Variants in ZNF469 observed in about 807,000 individuals in gnomAD.
ZNF469 encodes zinc finger protein 469.
ZNF469 carries 1 observed loss-of-function variant against 1.0 expected under a neutral mutation model. The ratio of observed to expected loss-of-function variants is 1.00; its 90% CI spans 0.35 to 4.73. The LOEUF is 4.73. Ranked by LOEUF, ZNF469 falls within the 30% of genes most tolerant of loss-of-function variation. The pLI is 0.16. For synonymous variants in ZNF469, 2,703 were observed against 2,363.4 expected (o/e 1.14, Z -4.17); for missense variants, 6,100 against 5,356.3 (o/e 1.14, Z -4.33).
At chr16:88,381,146 A>G (rs62652235), upstream of ZNF469, among the ~76,000 whole-genome samples, 57,573 of 121,628 alleles carry the variant, frequency 0.47, 16,362 homozygotes, top group African/African-American at 0.83. Context: ...ACTCACACAC[A>G]CACTCACACA....
the ZNF469 span, among the ~76,000 whole-genome samples, chr16:88,310,664 C>A: frequency 6.6e-6 from 1 of 151,912 alleles, no homozygotes; most frequent in Admixed American, 6.5e-5. Flanking sequence ...CTCACTGCAA[C>A]CTCCACCTCC....
chr16:88,148,486 C>A, the ZNF469 span, among the ~76,000 whole-genome samples: 1 of 152,286 alleles, frequency 6.6e-6, no homozygotes, highest in East Asian at 1.9e-4. Context: ...GAGGAGGTCT[C>A]CTGTGGGGCA....
At chr16:88,347,094 C>T in the ZNF469 span, among the ~76,000 whole-genome samples, 1 of 152,112 alleles carries the variant, frequency 6.6e-6, no homozygotes, top group Non-Finnish European at 1.5e-5. Flanking sequence ...TGAGCTTGGG[C>T]GGTCTCAGCA....
the ZNF469 span, among the ~76,000 whole-genome samples, chr16:88,241,761 G>A: frequency 1.3e-5 from 2 of 152,210 alleles, no homozygotes; most frequent in Non-Finnish European, 1.5e-5. The surrounding 1 kb of genome is among the most constrained non-coding windows in gnomAD (Gnocchi z 4.8). Flanking sequence ...GGTGGTATGA[G>A]ATGACAAGGA....
chr16:88,224,259 G>A, the ZNF469 span, among the ~76,000 whole-genome samples: 12 of 152,168 alleles, frequency 7.9e-5, no homozygotes, highest in Admixed American at 1.3e-4. Context: ...CTGCGTGCCC[G>A]GGCCTGTCCC....
the ZNF469 span, among the ~76,000 whole-genome samples, chr16:88,251,509 C>T: frequency 8.1e-6 from 1 of 123,652 alleles, no homozygotes; most frequent in African/African-American, 3.1e-5. Flanking sequence ...ATTGCCATCT[C>T]TGTGGTAAGC....
chr16:88,172,445 C>A, the ZNF469 span, among the ~76,000 whole-genome samples: 2 of 152,202 alleles, frequency 1.3e-5, no homozygotes, highest in Non-Finnish European at 2.9e-5. Context: ...TTTGGACCCA[C>A]CCTGACAACA....
the ZNF469 span, among the ~76,000 whole-genome samples, chr16:88,344,212 A>T: frequency 7.1e-6 from 1 of 140,314 alleles, no homozygotes; most frequent in South Asian, 2.6e-4. Context: ...AGGATCCTGG[A>T]TGGGATCCTG....
chr16:88,315,987 A>G, the ZNF469 span, among the ~76,000 whole-genome samples: 292 of 152,238 alleles, frequency 1.9e-3, 1 homozygote, highest in Admixed American at 4.1e-3. Flanking sequence ...TGCACCACTG[A>G]GGAAAGGCTG....
At chr16:88,368,741 G>T in the ZNF469 span, among the ~76,000 whole-genome samples, 1 of 152,050 alleles carries the variant, frequency 6.6e-6, no homozygotes, top group African/African-American at 2.4e-5. Flanking sequence ...GGAAAGTGTG[G>T]CCTGGGAGAG....
chr16:88,136,218 G>A, the ZNF469 span, among the ~76,000 whole-genome samples: 1 of 152,212 alleles, frequency 6.6e-6, no homozygotes, highest in African/African-American at 2.4e-5. Flanking sequence ...GGGGGAGGCT[G>A]TGAGGATAGA....
chr16:88,249,226 T>TAA, the ZNF469 span, among the ~76,000 whole-genome samples: 203 of 142,900 alleles, frequency 1.4e-3, no homozygotes, highest in Middle Eastern at 3.6e-3. Flanking sequence ...AGCTTCTGTT[T>TAA]AAAAAAAAAA....
At chr16:88,105,038 A>G in the ZNF469 span, among the ~76,000 whole-genome samples, 1 of 152,198 alleles carries the variant, frequency 6.6e-6, no homozygotes, top group South Asian at 2.1e-4. Context: ...CAATACAGTG[A>G]GACCCTATCT....
At chr16:88,120,569 C>T in the ZNF469 span, among the ~76,000 whole-genome samples, 1 of 152,234 alleles carries the variant, frequency 6.6e-6, no homozygotes, top group Non-Finnish European at 1.5e-5. Flanking sequence ...GTGAGCTCCA[C>T]GGCCGCAGCA....
chr16:88,324,894 G>A, the ZNF469 span, among the ~76,000 whole-genome samples: 1 of 152,148 alleles, frequency 6.6e-6, no homozygotes, highest in African/African-American at 2.4e-5. Flanking sequence ...AAAGAAAAGA[G>A]GGTTGGCTCA....
the ZNF469 span, among the ~76,000 whole-genome samples, chr16:88,340,561 T>C: frequency 6.6e-6 from 1 of 152,198 alleles, no homozygotes; most frequent in African/African-American, 2.4e-5. Context: ...TGGGGAGTGC[T>C]GGGCTTTGCA....
the ZNF469 span, among the ~76,000 whole-genome samples, chr16:88,257,850 A>T: frequency 6.6e-6 from 1 of 152,150 alleles, no homozygotes; most frequent in African/African-American, 2.4e-5. Flanking sequence ...GCTTTGTGGA[A>T]ACTGAGTTAT....
the ZNF469 span, among the ~76,000 whole-genome samples, chr16:88,360,571 C>T: frequency 1.6e-5 from 2 of 123,988 alleles, no homozygotes; most frequent in Admixed American, 7.9e-5. Flanking sequence ...ACAGCGCCCG[C>T]ATGCTCCCTC....
At chr16:88,414,578 C>T (rs1030319244) in intron 1 of ZNF469, among the ~76,000 whole-genome samples, 31 of 152,232 alleles carry the variant, frequency 2.0e-4, no homozygotes, top group Non-Finnish European at 4.4e-5. Context: ...TGGCTGGGAG[C>T]GGGCCCCACG....
Sources: allele counts gnomAD v4.1 joint callset (sites outside exome capture counted in the v4.1 genomes callset), GRCh38; gene constraint gnomAD v4.1.1; non-coding constraint Gnocchi (gnomAD v3.1); transcripts MANE v1.5; gene names NCBI Gene and HGNC (gene_info 2026-07-23, HGNC 2026-07-21).